Variants in PPM1H observed in about 807,000 individuals in gnomAD.
PPM1H encodes protein phosphatase, Mg2+/Mn2+ dependent 1H.
PPM1H carries 27 observed loss-of-function variants against 54.9 expected under a neutral mutation model. That is an observed-to-expected ratio of 0.49 (90% CI 0.36 to 0.68). The LOEUF is 0.68. Ranked by LOEUF, PPM1H falls within the 30% of genes least tolerant of loss-of-function variation. The pLI is 0.00. For missense variants in PPM1H, 596 were observed against 667.8 expected, an observed-to-expected ratio of 0.89 and a Z score of 1.19; for synonymous variants, 305 against 270.8, an observed-to-expected ratio of 1.13 and a Z score of -1.24.
intron 4 of PPM1H, among the ~76,000 whole-genome samples, chr12:62,747,327 G>T (rs1381996423): frequency 2.0e-5 from 3 of 152,020 alleles, no homozygotes; most frequent in Non-Finnish European, 4.4e-5. Context: ...GTAGAGATGG[G>T]ATTTCTCCAT....
intron 1 of PPM1H, among the ~76,000 whole-genome samples, chr12:62,886,179 A>G (rs1332728860): frequency 6.6e-6 from 1 of 152,156 alleles, no homozygotes; most frequent in Non-Finnish European, 1.5e-5. Context: ...TTGGGCCTTT[A>G]TATCTCATAT....
Position 62,784,276 on chromosome 12 carries a change from A to T in PPM1H, c.869+3950T>A, listed in dbSNP as rs2076658571. Reference sequence around the variant, plus strand: ...TGGACCATCCTACATGAATGGTCCTATGTCCTCTGAATGGGATGGTCGTTG... The same window carrying T: ...TGGACCATCCTACATGAATGGTCCTTTGTCCTCTGAATGGGATGGTCGTTG... On this transcript the variant is annotated intron_variant, in intron 4 of 9. Coordinates refer to ENST00000228705, the MANE Select transcript of PPM1H (RefSeq NM_020700.2). 2.0e-5 allele frequency among the ~76,000 whole-genome samples: 3 copies of T among 152,160 alleles called. No individual in the cohort carries two copies. The South Asian group carries it at 6.2e-4, about 32-fold the overall frequency.
intron 4 of PPM1H, among the ~76,000 whole-genome samples, chr12:62,751,387 T>G (rs928791279): frequency 2.0e-5 from 3 of 152,190 alleles, no homozygotes; most frequent in African/African-American, 7.2e-5. Context: ...TATTTTAGCC[T>G]GAGGGAAAGA....
intron 4 of PPM1H, chr12:62,756,287 A>G (rs769687045): frequency 6.4e-6 from 4 of 624,518 alleles, no homozygotes; most frequent in Non-Finnish European, 1.2e-5. Flanking sequence ...AGAGGCCCTC[A>G]CTGCTGGGAA....
rs191848860 is a variant in PPM1H at position 62,785,993 on chromosome 12, C to A, written c.869+2233G>T. On this transcript the variant is annotated intron_variant, in intron 4 of 9. Coordinates refer to ENST00000228705, the MANE Select transcript of PPM1H (RefSeq NM_020700.2). ...CAGGTCATCTGGTGAAAGGCACTTCCCTGGGAGGTAGGGTGGGCCTGTTTC... is the reference window on the plus strand; with the variant it reads ...CAGGTCATCTGGTGAAAGGCACTTCACTGGGAGGTAGGGTGGGCCTGTTTC... 3.1e-3 allele frequency among the ~76,000 whole-genome samples: 477 copies of A among 152,260 alleles called. 8 individuals are homozygous for A. Among genetic ancestry groups the A allele is most frequent in the Admixed American group, 0.029 (436 of 15,298 alleles).
At chr12:62,899,531 TA>T (rs1173689442) in intron 1 of PPM1H, among the ~76,000 whole-genome samples, 1 of 152,212 alleles carries the variant, frequency 6.6e-6, no homozygotes, top group African/African-American at 2.4e-5. Flanking sequence ...CCCCTCTCTT[TA>T]AAAAGGATGC....
intron 1 of PPM1H, among the ~76,000 whole-genome samples, chr12:62,924,406 A>G (rs1415382822): frequency 6.6e-6 from 1 of 152,240 alleles, no homozygotes; most frequent in Non-Finnish European, 1.5e-5. Flanking sequence ...TCTTCTGAAC[A>G]TAATCTCTGT....
chr12:62,813,692 AATC>A (rs1037280838), intron 2 of PPM1H, among the ~76,000 whole-genome samples: 11 of 152,212 alleles, frequency 7.2e-5, no homozygotes, highest in Admixed American at 5.2e-4. Context: ...CATATCTGAC[AATC>A]ATCATCATCA....
At position 62,921,181 on chromosome 12, in the gene PPM1H, G is replaced by A. The variant is rs182857676; in HGVS notation, c.245+13311C>T. Among the ~76,000 whole-genome samples the A allele has an allele frequency of 1.4e-3, 211 of 152,000 alleles. 1 individual carries two copies. The highest frequency in any genetic ancestry group is 1.7e-3 in the Non-Finnish European group (115 of 67,976). ...CTCAGGTGATCCACCCGCCCGCCTC[G>A]GCCTCCCAAAGTCCTAGGATTACAG... is the stretch of plus-strand genomic sequence containing the variant. On this transcript the variant is annotated intron_variant, in intron 1 of 9. Transcript: ENST00000228705.
intron 4 of PPM1H, among the ~76,000 whole-genome samples, chr12:62,759,717 C>G (rs2076496009): frequency 6.6e-6 from 1 of 151,976 alleles, no homozygotes; most frequent in Admixed American, 6.6e-5. Context: ...TGTCTCTACC[C>G]CTTCTCCACT....
chr12:62,820,810 G>T (rs923859188), intron 2 of PPM1H, among the ~76,000 whole-genome samples: 3 of 152,154 alleles, frequency 2.0e-5, no homozygotes, highest in African/African-American at 7.2e-5. Context: ...ACAAAGATGG[G>T]GAGGAACCAG....
At chr12:62,701,280 T>C (rs2076142480) in intron 6 of PPM1H, among the ~76,000 whole-genome samples, 3 of 152,230 alleles carry the variant, frequency 2.0e-5, no homozygotes, top group Non-Finnish European at 4.4e-5. Flanking sequence ...CTTTCCCACC[T>C]TTGCCCTAGT....
Position 62,648,365 on chromosome 12 carries a change from T to G in PPM1H, c.*124A>C. On this transcript the variant is annotated 3_prime_UTR_variant, in exon 10 of 10. Coordinates refer to ENST00000228705, the MANE Select transcript of PPM1H (RefSeq NM_020700.2). The stretch of plus-strand genomic sequence containing the variant: ...GAAGCATAGTCTTTTGGCCATGAAC[T>G]CCCCGCTTGGGCTGGGAAGAGACTG... The G allele has an allele frequency of 7.9e-7, 1 of 1,269,136 alleles. No homozygotes were observed. Among genetic ancestry groups the G allele is most frequent in the East Asian group, 2.3e-5 (1 of 42,740 alleles). 78.6% of individuals were successfully genotyped at this position (1,269,136 alleles called of 1,614,324 possible).
intron 1 of PPM1H, among the ~76,000 whole-genome samples, chr12:62,876,259 C>G (rs2121023990): frequency 6.6e-6 from 1 of 152,284 alleles, no homozygotes; most frequent in East Asian, 1.9e-4. Flanking sequence ...GTTAAACTAT[C>G]AGAAAGACAA....
chr12:62,901,597 C>G (rs1871165039), intron 1 of PPM1H, among the ~76,000 whole-genome samples: 1 of 152,200 alleles, frequency 6.6e-6, no homozygotes, highest in African/African-American at 2.4e-5. Flanking sequence ...TTAATACACA[C>G]ACACTTGCTG....
At chr12:62,677,192 C>T (rs1342723602) in intron 8 of PPM1H, among the ~76,000 whole-genome samples, 1 of 152,228 alleles carries the variant, frequency 6.6e-6, no homozygotes, top group Non-Finnish European at 1.5e-5. Context: ...GAGCACTGTA[C>T]TATCACTCAG....
intron 6 of PPM1H, among the ~76,000 whole-genome samples, chr12:62,695,621 T>C (rs138770111): frequency 1.6e-4 from 23 of 143,822 alleles, no homozygotes; most frequent in African/African-American, 5.9e-4. Context: ...AACACTGTGG[T>C]ATATGAGTTT....
chr12:62,730,010 CTCCTGGCTCA>C (rs1432175102), intron 5 of PPM1H, among the ~76,000 whole-genome samples: 1 of 152,110 alleles, frequency 6.6e-6, no homozygotes, highest in Non-Finnish European at 1.5e-5. Context: ...GAAATTCCTT[CTCCTGGCTCA>C]TCCTGGCTCA....
At chr12:62,822,060 G>A (rs1367562850) in intron 2 of PPM1H, among the ~76,000 whole-genome samples, 1 of 151,470 alleles carries the variant, frequency 6.6e-6, no homozygotes, top group Non-Finnish European at 1.5e-5. Flanking sequence ...TATGCAGGAA[G>A]ATCTACCAAG....
Sources: allele counts gnomAD v4.1 joint callset (sites outside exome capture counted in the v4.1 genomes callset), GRCh38; gene constraint gnomAD v4.1.1; transcripts MANE v1.5; gene names NCBI Gene and HGNC (gene_info 2026-07-23, HGNC 2026-07-21).